Variants in LAT2 observed in about 807,000 individuals in gnomAD.
LAT2 encodes the protein linker for activation of T cells family member 2.
LAT2 carries 23 observed loss-of-function variants against 43.4 expected under a neutral mutation model. The ratio of observed to expected loss-of-function variants is 0.53; its 90% confidence interval spans 0.38 to 0.75. The LOEUF (loss-of-function observed/expected upper bound fraction) is 0.75, where lower values mean the gene tolerates loss of function less well. Among genes scored for constraint, LAT2 ranks in the 30% least tolerant of loss-of-function variants. The pLI, the probability that LAT2 is intolerant of heterozygous loss-of-function variation, is 0.00. For synonymous variants in LAT2, 128 were observed against 123.2 expected (o/e 1.04, Z -0.26); for missense variants, 284 against 310.2 (o/e 0.92, Z 0.64).
rs782317911 is a variant in LAT2, at chr7:74,223,740, C to A, written c.405C>A (p.Ser135=). Residue 135 remains serine, a synonymous_variant, in exon 11 of 14, where the codon TCC becomes TCA. Coordinates refer to ENST00000460943, the MANE Select transcript of LAT2 (RefSeq NM_032464.3). ...SKPPEDDDAN[S]YENVLICKQK... Reference sequence around the variant, plus strand: ...CTCCTGCAGATGATGATGCCAATTCCTACGAGAATGTGCTCATTTGCAAGC... The same window carrying A: ...CTCCTGCAGATGATGATGCCAATTCATACGAGAATGTGCTCATTTGCAAGC... 33 of 1,613,862 alleles carry A rather than the reference C, an allele frequency of 2.0e-5. No homozygotes were observed. The highest frequency in any genetic ancestry group is 3.3e-5 in the Admixed American group (2 of 59,976).
chr7:74,228,403 G>C (rs1353201613), intron 13 of LAT2, among the ~76,000 whole-genome samples: 1 of 150,382 alleles, frequency 6.6e-6, no homozygotes, highest in African/African-American at 2.4e-5. Context: ...GTGAACCCGG[G>C]AGGCAGAGCT....
chr7:74,221,779 G>A (rs1802293424), intron 10 of LAT2, 87 bp downstream of exon 10: 2 of 1,224,614 alleles, frequency 1.6e-6, no homozygotes, highest in Non-Finnish European at 1.2e-6. Flanking sequence ...GAGGAGGCTG[G>A]GCCTGGGTTC....
chr7:74,212,671 C>T (rs1419112162), intron 1 of LAT2, among the ~76,000 whole-genome samples: 1 of 152,154 alleles, frequency 6.6e-6, no homozygotes, highest in African/African-American at 2.4e-5. Flanking sequence ...GTTGCTCCAA[C>T]CTCACAAGCC....
Position 74,227,177 on chromosome 7 carries a change from G to A in LAT2, c.*19-1767G>A, listed in dbSNP as rs371238438. 4.0e-5 allele frequency among the ~76,000 whole-genome samples: 6 copies of A among 151,450 alleles called. No homozygotes were observed. The South Asian group carries it at 8.3e-4, about 21-fold the overall frequency. On this transcript the variant is annotated intron_variant, in intron 13 of 13. Transcript: ENST00000460943. ...CTGCCTCAGCCTCCCGAGTAGCTGCGATTACAGGTGTCTGCCACCACACCC... is the reference window on the plus strand; with the variant it reads ...CTGCCTCAGCCTCCCGAGTAGCTGCAATTACAGGTGTCTGCCACCACACCC...
At position 74,220,531 on chromosome 7, in the gene LAT2, G is replaced by A. The variant is rs1554715030; in HGVS notation, c.266-53G>A. 4.3e-6 allele frequency: 7 copies of A among 1,610,412 alleles called. No individual in the cohort carries two copies. In the South Asian group the frequency reaches 7.7e-5, roughly 18 times the overall value. Reference sequence around the variant, plus strand: ...TGCCTTGGGCTGCAGCACCCGAGCTGGGTGCAAAGCAGGGGCCAGGGGAGA... The same window carrying A: ...TGCCTTGGGCTGCAGCACCCGAGCTAGGTGCAAAGCAGGGGCCAGGGGAGA... On this transcript the variant is annotated intron_variant, in intron 7 of 13. Coordinates refer to ENST00000460943, the MANE Select transcript of LAT2 (RefSeq NM_032464.3). The surrounding 1 kb of genome is among the most constrained non-coding windows in gnomAD (Gnocchi z 4.5).
intron 1 of LAT2, among the ~76,000 whole-genome samples, chr7:74,214,251 T>TGA (rs1442449472): frequency 5.6e-4 from 43 of 76,610 alleles, no homozygotes; most frequent in South Asian, 1.6e-3. Context: ...AATATATATA[T>TGA]AAATATATAT....
At position 74,211,915 on chromosome 7, in the gene LAT2, TG is replaced by T. The variant is rs541077884; in HGVS notation, c.-219+1832del. ...CCAACAGCGCAGGATGTATTCAGTC[TG>T]GGGGCAGACACATGACTGTTTGTTA... On this transcript the variant is annotated intron_variant, in intron 1 of 13. Coordinates refer to ENST00000460943, the MANE Select transcript of LAT2 (RefSeq NM_032464.3). Among the ~76,000 whole-genome samples the T allele has an allele frequency of 8.7e-4, 132 of 152,158 alleles. 1 individual carries two copies. Among genetic ancestry groups the T allele is most frequent in the Non-Finnish European group, 1.6e-3 (112 of 67,998 alleles).
At position 74,220,765 on chromosome 7, in the gene LAT2, T is replaced by TCGCCTCTCCCCCTGCCC; in HGVS notation, c.332+33_332+49dup. On this transcript the variant is annotated intron_variant, in intron 9 of 13. Transcript: ENST00000460943. The surrounding 1 kb of genome is among the most constrained non-coding windows in gnomAD (Gnocchi z 4.5). ...TGACCTTGATCCTGTCCCCCCTGCCTCGCCTCTCCCCCTGCCCCACCTCTC... is the reference window on the plus strand; with the variant it reads ...TGACCTTGATCCTGTCCCCCCTGCCTCGCCTCTCCCCCTGCCCCGCCTCTCCCCCTGCCCCACCTCTC... 2 of 1,491,488 alleles carry TCGCCTCTCCCCCTGCCC rather than the reference T, an allele frequency of 1.3e-6. No homozygotes were observed. Among genetic ancestry groups the TCGCCTCTCCCCCTGCCC allele is most frequent in the Non-Finnish European group, 1.8e-6 (2 of 1,108,658 alleles). The allele number at this position is 1,491,488 out of a possible 1,614,324, so 92.4% of individuals were successfully genotyped here.
chr7:74,214,127 A>AAT (rs1201958581), intron 1 of LAT2, among the ~76,000 whole-genome samples: 21 of 59,558 alleles, frequency 3.5e-4, no homozygotes, highest in Non-Finnish European at 5.6e-4. Flanking sequence ...TATATATATA[A>AAT]ATATATATAT....
intron 13 of LAT2, among the ~76,000 whole-genome samples, chr7:74,227,055 CTTTTT>C (rs35992128): frequency 7.5e-6 from 1 of 133,868 alleles, no homozygotes; most frequent in Non-Finnish European, 1.6e-5. Flanking sequence ...GTTGTTTTTT[CTTTTT>C]TTTTTTTTTT....
chr7:74,215,917 C>A lies in LAT2; in HGVS notation c.-29-30C>A, dbSNP rs1554714178. ...TGGGGTAGGATTCCTGAAAAAGGGGCCCCTTGCTCACGGGCACCTCCCATT... is the reference window on the plus strand; with the variant it reads ...TGGGGTAGGATTCCTGAAAAAGGGGACCCTTGCTCACGGGCACCTCCCATT... On this transcript the variant is annotated intron_variant, in intron 2 of 13. Coordinates refer to ENST00000460943, the MANE Select transcript of LAT2 (RefSeq NM_032464.3). 4.7e-6 allele frequency: 7 copies of A among 1,503,678 alleles called. No individual in the cohort carries two copies. In the Admixed American group the frequency reaches 5.0e-5, roughly 11 times the overall value. The allele number at this position is 1,503,678 out of a possible 1,614,324, so 93.1% of individuals were successfully genotyped here. A position where few individuals can be genotyped will look rare whatever the true frequency, so the allele number is the denominator to read the frequency against.
At chr7:74,221,737 G>C (rs1184259340) in intron 10 of LAT2, 45 bp downstream of exon 10, 2 of 1,552,648 alleles carry the variant, frequency 1.3e-6, no homozygotes, top group Non-Finnish European at 1.8e-6. Flanking sequence ...TGGTGTGGGA[G>C]CTCAGGGCAG....
At chr7:74,223,311 C>T (rs1295689374) in intron 10 of LAT2, among the ~76,000 whole-genome samples, 2 of 152,184 alleles carry the variant, frequency 1.3e-5, no homozygotes, top group African/African-American at 2.4e-5. Context: ...GGCAACACAG[C>T]GAGATCCTCT....
intron 13 of LAT2, among the ~76,000 whole-genome samples, chr7:74,226,696 T>G (rs1802501431): frequency 6.6e-6 from 1 of 152,048 alleles, no homozygotes. Context: ...AGACATGGCA[T>G]GTTCACTGGT....
intron 4 of LAT2, among the ~76,000 whole-genome samples, chr7:74,218,944 T>C (rs1017319945): frequency 6.8e-6 from 1 of 147,882 alleles, no homozygotes. Context: ...GTGATTCGCC[T>C]GCCTTGGCCT....
intron 13 of LAT2, among the ~76,000 whole-genome samples, chr7:74,228,617 C>G (rs1802581567): frequency 7.2e-6 from 1 of 138,958 alleles, no homozygotes; most frequent in Admixed American, 7.5e-5. Flanking sequence ...AACCCTGTCT[C>G]TACTAAAAAT....
At position 74,223,497 on chromosome 7, in the gene LAT2, AAAG is replaced by A. The variant is rs781848926; in HGVS notation, c.389-222_389-220del. Reference sequence around the variant, plus strand: ...GAGCAAGACCGTCTCAACAAGAAACAAAGAAGACAGAGGAGCTCAGGGCTCAGG... The same window carrying A: ...GAGCAAGACCGTCTCAACAAGAAACAAAGACAGAGGAGCTCAGGGCTCAGG... On this transcript the variant is annotated intron_variant, in intron 10 of 13. Coordinates refer to ENST00000460943, the MANE Select transcript of LAT2 (RefSeq NM_032464.3). Among the ~76,000 whole-genome samples, 24 of 152,178 alleles carry A rather than the reference AAAG, an allele frequency of 1.6e-4. No individual in the cohort carries two copies. The East Asian group carries it at 2.7e-3, about 17-fold the overall frequency.
At position 74,220,821 on chromosome 7, in the gene LAT2, TGC is replaced by T; in HGVS notation, c.332+88_332+89del. On this transcript the variant is annotated intron_variant, in intron 9 of 13. Coordinates refer to ENST00000460943, the MANE Select transcript of LAT2 (RefSeq NM_032464.3). The surrounding 1 kb of genome is among the most constrained non-coding windows in gnomAD (Gnocchi z 4.5). ...GCCCCACCTCTCCCCCTGCCCCACC[TGC>T]CTGCCACAGCCCTGGGCTTCCTGGT... 9.7e-6 allele frequency: 10 copies of T among 1,027,748 alleles called. No homozygotes were observed. The highest frequency in any genetic ancestry group is 2.3e-5 in the African/African-American group (1 of 43,584). The allele number at this position is 1,027,748 out of a possible 1,614,324, so 63.7% of individuals were successfully genotyped here.
intron 1 of LAT2, among the ~76,000 whole-genome samples, chr7:74,214,040 G>GTGTATA (rs1554713579): frequency 9.4e-6 from 1 of 106,338 alleles, no homozygotes; most frequent in African/African-American, 4.2e-5. Context: ...CCATATATAT[G>GTGTATA]TATATATATA....
Sources: allele counts gnomAD v4.1 joint callset (sites outside exome capture counted in the v4.1 genomes callset), GRCh38; gene constraint gnomAD v4.1.1; non-coding constraint Gnocchi (gnomAD v3.1); transcripts MANE v1.5; gene names NCBI Gene and HGNC (gene_info 2026-07-23, HGNC 2026-07-21).